The following VPS35L variants were observed in gnomAD, a reference collection of about 807,000 sequenced individuals.
VPS35L encodes VPS35 endosomal protein-sorting factor-like.
In VPS35L, 83 loss-of-function variants were observed where a neutral mutation model predicts 133.0. That is an observed-to-expected ratio of 0.62 (90% CI 0.52 to 0.75). VPS35L has a LOEUF of 0.75. VPS35L is among the 30% of genes least tolerant of loss of function. The probability of loss-of-function intolerance (pLI) is 0.00; values close to 1 mark genes in which losing one functional copy is unlikely to be tolerated. For missense variants in VPS35L, 1,083 were observed against 1,206.8 expected, an observed-to-expected ratio of 0.90 and a Z score of 1.52; for synonymous variants, 423 against 449.9, an observed-to-expected ratio of 0.94 and a Z score of 0.76.
intron 28 of VPS35L, among the ~76,000 whole-genome samples, chr16:19,685,255 TATTA>T (rs1488054682): frequency 2.6e-5 from 4 of 152,196 alleles, no homozygotes; most frequent in African/African-American, 7.2e-5. Flanking sequence ...TAGCATTATT[TATTA>T]GTTTGCCACT....
At chr16:19,635,753 A>C (rs1973603995) in intron 19 of VPS35L, among the ~76,000 whole-genome samples, 1 of 152,326 alleles carries the variant, frequency 6.6e-6, no homozygotes, top group East Asian at 1.9e-4. Flanking sequence ...TCAGGGAAAA[A>C]ATAGTATGTT....
intron 12 of VPS35L, among the ~76,000 whole-genome samples, chr16:19,613,342 T>C (rs144526291): frequency 6.9e-6 from 1 of 145,188 alleles, no homozygotes; most frequent in African/African-American, 2.9e-5. Flanking sequence ...ATTAGTAAGA[T>C]TTCTTTCAGT....
rs1184474193 is a variant in VPS35L at position 19,573,224 on chromosome 16, A to G, written c.391A>G (p.Thr131Ala). The G allele has an allele frequency of 3.7e-6, 6 of 1,613,756 alleles. No individual in the cohort carries two copies. The East Asian group carries it at 1.1e-4, about 30-fold the overall frequency. ...AGAAATCCTTGCCCGGTACACCACT[A>G]CCGAAAAGCTGTCTATTGTGAGTAC... The part of the protein sequence containing the change: ...RGEILARYTT[T>A]EKLSINLFMG... Residue 131 changes from threonine to alanine, a missense_variant, in exon 4 of 31, where the codon ACC becomes GCC. By Grantham distance (58) the Thr-to-Ala change is moderately conservative. Transcript: ENST00000417362.
At chr16:19,642,204 T>A (rs1480610742) in intron 21 of VPS35L, among the ~76,000 whole-genome samples, 192 bp from the exon 22 acceptor site, 8 of 152,280 alleles carry the variant, frequency 5.3e-5, no homozygotes, top group African/African-American at 1.9e-4. Flanking sequence ...AGTGAGACTC[T>A]GTCTCAAAAG....
At chr16:19,595,778 C>T (rs9940920) in intron 8 of VPS35L, among the ~76,000 whole-genome samples, 3,866 of 152,284 alleles carry the variant, frequency 0.025, 171 homozygotes, top group African/African-American at 0.089. Flanking sequence ...AACAGCTGGG[C>T]TGGGAGTTGG....
chr16:19,640,157 T>A (rs1973744547), intron 21 of VPS35L, 57 bp downstream of exon 21: 2 of 1,517,034 alleles, frequency 1.3e-6, no homozygotes, highest in Admixed American at 1.8e-5. Flanking sequence ...GTGAAACCTG[T>A]TGATAAAAAA....
intron 28 of VPS35L, 92 bp from the exon 29 acceptor site, chr16:19,691,261 T>C: frequency 1.0e-6 from 1 of 994,006 alleles, no homozygotes; most frequent in Non-Finnish European, 1.6e-6. Flanking sequence ...TGCCATCTGC[T>C]GACTCGGTGT....
chr16:19,558,024 C>T (rs1313089589), intron 1 of VPS35L, among the ~76,000 whole-genome samples: 1 of 151,888 alleles, frequency 6.6e-6, no homozygotes, highest in East Asian at 1.9e-4. Context: ...GAGCCAAGAT[C>T]GTGCCATTGC....
chr16:19,682,016 G>A (rs1975296940), intron 27 of VPS35L, among the ~76,000 whole-genome samples: 1 of 152,170 alleles, frequency 6.6e-6, no homozygotes, highest in Non-Finnish European at 1.5e-5. Flanking sequence ...GCCCAGACAG[G>A]AGCGTGTTGA....
intron 29 of VPS35L, among the ~76,000 whole-genome samples, chr16:19,693,115 T>C (rs923753798): frequency 2.6e-5 from 4 of 152,250 alleles, no homozygotes; most frequent in Admixed American, 6.5e-5. Flanking sequence ...ACCAGAACTC[T>C]GAGCAAGTTA....
chr16:19,574,143 A>G (rs1333747415), intron 4 of VPS35L, among the ~76,000 whole-genome samples: 1 of 152,190 alleles, frequency 6.6e-6, no homozygotes, highest in Admixed American at 6.5e-5. Flanking sequence ...ATTGTAAACA[A>G]GAGTGACCTG....
chr16:19,577,238 T>G (rs1686790347), intron 5 of VPS35L, among the ~76,000 whole-genome samples: 1 of 152,190 alleles, frequency 6.6e-6, no homozygotes, highest in East Asian at 1.9e-4. Flanking sequence ...CTCAGGCTGC[T>G]TCCACTCATG....
Position 19,699,783 on chromosome 16 carries a change from C to A in VPS35L, c.2793+135C>A. On this transcript the variant is annotated intron_variant, in intron 30 of 30. Transcript: ENST00000417362. This position sits in a 1 kb window ranked among gnomAD's most constrained non-coding sequence, Gnocchi z 4.2. Reference sequence around the variant, plus strand: ...TAGAAAAGCACTTGGTCCATTTCTACTGGATCACTTCCTAGCAGTAAAAAG... The same window carrying A: ...TAGAAAAGCACTTGGTCCATTTCTAATGGATCACTTCCTAGCAGTAAAAAG... The A allele has an allele frequency of 8.4e-7, 1 of 1,184,874 alleles. No homozygotes were observed. Among genetic ancestry groups the A allele is most frequent in the Non-Finnish European group, 1.2e-6 (1 of 845,760 alleles). 73.4% of individuals were successfully genotyped at this position (1,184,874 alleles called of 1,614,324 possible). A position where few individuals can be genotyped will look rare whatever the true frequency, so the allele number is the denominator to read the frequency against.
At chr16:19,603,127 C>T (rs1972437929) in intron 9 of VPS35L, among the ~76,000 whole-genome samples, 1 of 152,124 alleles carries the variant, frequency 6.6e-6, no homozygotes, top group Non-Finnish European at 1.5e-5. Context: ...ACTCAACAGG[C>T]TTTTAGGATT....
intron 15 of VPS35L, among the ~76,000 whole-genome samples, chr16:19,626,458 C>T (rs779961627): frequency 2.6e-5 from 4 of 152,070 alleles, no homozygotes; most frequent in Non-Finnish European, 4.4e-5. Flanking sequence ...ATCTGTAAAA[C>T]GGGAGTAATA....
At position 19,661,210 on chromosome 16, in the gene VPS35L, T is replaced by C. The variant is rs1597405339; in HGVS notation, c.2222-7950T>C. Among the ~76,000 whole-genome samples, 3 of 152,200 alleles carry C rather than the reference T, an allele frequency of 2.0e-5. No homozygotes were observed. The South Asian group carries it at 6.2e-4, about 32-fold the overall frequency. Reference sequence around the variant, plus strand: ...TACCCTCTTTGTAATGGCTGTTTGGTATTCTGTTTCTTCTTTTTTTTTGGA... The same window carrying C: ...TACCCTCTTTGTAATGGCTGTTTGGCATTCTGTTTCTTCTTTTTTTTTGGA... On this transcript the variant is annotated intron_variant, in intron 26 of 30. Coordinates refer to ENST00000417362, the MANE Select transcript of VPS35L (RefSeq NM_020314.7).
At chr16:19,676,305 G>A (rs1490155691) in intron 27 of VPS35L, among the ~76,000 whole-genome samples, 1 of 152,154 alleles carries the variant, frequency 6.6e-6, no homozygotes, top group Non-Finnish European at 1.5e-5. Context: ...ACCAGATCAA[G>A]TCCCTGGTCC....
chr16:19,692,597 CTT>C (rs1021918687), intron 29 of VPS35L, among the ~76,000 whole-genome samples: 4 of 151,932 alleles, frequency 2.6e-5, no homozygotes, highest in African/African-American at 2.4e-5. Flanking sequence ...GAGTTTCGCT[CTT>C]GTTGCCCAGG....
chr16:19,620,816 T>C (rs186798117), intron 14 of VPS35L, among the ~76,000 whole-genome samples: 9 of 152,152 alleles, frequency 5.9e-5, no homozygotes, highest in South Asian at 4.1e-4. Context: ...CCGAGTGTGG[T>C]GGCATGCGCC....
Sources: gnomAD v4.1 joint callset for allele counts (sites outside exome capture counted in the v4.1 genomes callset) on GRCh38, gnomAD v4.1.1 for gene constraint, Gnocchi (gnomAD v3.1) non-coding constraint, MANE v1.5 for transcripts, NCBI Gene and HGNC (gene_info 2026-07-23, HGNC 2026-07-21) for gene names.